The following PACRG variants were observed in gnomAD, a reference collection of about 807,000 sequenced individuals.
PACRG encodes parkin coregulated.
A neutral mutation model predicts 29.7 loss-of-function variants in PACRG; 29 were observed. That is an observed-to-expected ratio of 0.98 (90% CI 0.73 to 1.33). The LOEUF (loss-of-function observed/expected upper bound fraction) is 1.33. Among genes scored for constraint, PACRG ranks in the 40% most tolerant of loss-of-function variants. The pLI is 0.00. For synonymous variants in PACRG, 116 were observed against 118.7 expected, an observed-to-expected ratio of 0.98 and a Z score of 0.15; for missense variants, 279 against 316.2, an observed-to-expected ratio of 0.88 and a Z score of 0.89.
intron 3 of PACRG, among the ~76,000 whole-genome samples, chr6:163,074,340 A>C (rs914448603): frequency 6.6e-6 from 1 of 152,210 alleles, no homozygotes; most frequent in East Asian, 1.9e-4. Flanking sequence ...CGAACTTCAC[A>C]TGTTCTTACT....
At chr6:162,849,272 C>A (rs1279955556) in intron 2 of PACRG, among the ~76,000 whole-genome samples, 1 of 152,148 alleles carries the variant, frequency 6.6e-6, no homozygotes, top group East Asian at 1.9e-4. Flanking sequence ...TGGGGAATAT[C>A]ACACAAGCAG....
At chr6:163,018,994 C>T (rs894346388) in intron 2 of PACRG, among the ~76,000 whole-genome samples, 1 of 152,172 alleles carries the variant, frequency 6.6e-6, no homozygotes, top group African/African-American at 2.4e-5. Context: ...CCAATTTAGG[C>T]ATCATTTCCT....
chr6:162,885,954 G>T (rs552455430), intron 2 of PACRG, among the ~76,000 whole-genome samples: 1 of 152,230 alleles, frequency 6.6e-6, no homozygotes, highest in Non-Finnish European at 1.5e-5. Flanking sequence ...TTACAATATT[G>T]TTATTTGGTG....
chr6:162,796,483 T>C lies in PACRG; in HGVS notation c.157-17664T>C, dbSNP rs548607319. On this transcript the variant is annotated intron_variant, in intron 1 of 4. Transcript: ENST00000366888. ...ACTGTTTATTTTGTTTTTATGGTTA[T>C]CTTTATAACGGTATATCACCTATAG... Among the ~76,000 whole-genome samples, 33 of 152,294 alleles carry C rather than the reference T, an allele frequency of 2.2e-4. No individual in the cohort carries two copies. In the South Asian group the frequency reaches 6.4e-3, roughly 30 times the overall value.
chr6:163,050,848 G>A (rs189355346), intron 2 of PACRG, among the ~76,000 whole-genome samples: 11 of 152,214 alleles, frequency 7.2e-5, no homozygotes, highest in Admixed American at 7.2e-4. Context: ...TAGTGTTTCT[G>A]AAAAGTGTCT....
chr6:163,310,026 C>T (rs940174210), intron 4 of PACRG: 1 of 152,166 alleles, frequency 6.6e-6, no homozygotes. Context: ...TTTAATTTTT[C>T]CAGTGCCTTC....
chr6:163,106,827 A>G (rs11964879), intron 4 of PACRG, among the ~76,000 whole-genome samples: 12,442 of 152,300 alleles, frequency 0.082, 593 homozygotes, highest in Non-Finnish European at 0.097. Context: ...GGAAGTCCTC[A>G]TCATCAGCAG....
At chr6:162,970,655 A>G (rs1224093948) in intron 2 of PACRG, among the ~76,000 whole-genome samples, 1 of 152,220 alleles carries the variant, frequency 6.6e-6, no homozygotes, top group East Asian at 1.9e-4. Context: ...GCAATCCTAG[A>G]ACATCCCGTT....
In PACRG at chr6:163,211,769, G is replaced by C. The variant is rs74529374; in HGVS notation, c.614-103058G>C. Among the ~76,000 whole-genome samples, 519 of 152,228 alleles carry C rather than the reference G, an allele frequency of 3.4e-3. 1 individual carries two copies. The highest frequency in any genetic ancestry group is 0.012 in the African/African-American group (500 of 41,508). On this transcript the variant is annotated intron_variant, in intron 4 of 4. Transcript: ENST00000366888. ...TGGTTTTGCACTCCTACCAAGTCTG[G>C]TTTGTAACTAGGAAAATAAGCAAAC...
chr6:163,134,129 G>A (rs915357068), intron 4 of PACRG, among the ~76,000 whole-genome samples: 4 of 152,078 alleles, frequency 2.6e-5, no homozygotes, highest in African/African-American at 9.7e-5. Context: ...AGAACTATGG[G>A]GTCCCCTATC....
At chr6:163,071,827 C>G (rs2128279936) in intron 3 of PACRG, among the ~76,000 whole-genome samples, 1 of 151,802 alleles carries the variant, frequency 6.6e-6, no homozygotes, top group East Asian at 1.9e-4. Context: ...ATTGGAAAAT[C>G]TAGAGGAAAC....
chr6:163,033,180 C>T (rs1165619888), intron 2 of PACRG, among the ~76,000 whole-genome samples: 1 of 152,324 alleles, frequency 6.6e-6, no homozygotes, highest in East Asian at 1.9e-4. Flanking sequence ...TCACTAGTCT[C>T]AAATACATGT....
chr6:162,879,495 G>T (rs770068245), intron 2 of PACRG, among the ~76,000 whole-genome samples: 4 of 152,202 alleles, frequency 2.6e-5, no homozygotes, highest in Admixed American at 6.5e-5. Flanking sequence ...GCAGGGGACA[G>T]TTGGTGCTAA....
At chr6:162,988,586 C>T (rs181519136) in intron 2 of PACRG, among the ~76,000 whole-genome samples, 1 of 152,202 alleles carries the variant, frequency 6.6e-6, no homozygotes, top group Admixed American at 6.5e-5. Context: ...TATGTAGAAT[C>T]GTTGGAAATT....
At chr6:162,947,615 T>TATATATATAATA (rs1554313347) in intron 2 of PACRG, among the ~76,000 whole-genome samples, 1 of 22,526 alleles carries the variant, frequency 4.4e-5, no homozygotes, top group South Asian at 1.6e-3. Context: ...TATAATCATA[T>TATATATATAATA]ATATATATAT....
chr6:163,113,085 C>A (rs1815798550), intron 4 of PACRG, among the ~76,000 whole-genome samples: 2 of 152,024 alleles, frequency 1.3e-5, no homozygotes, highest in African/African-American at 2.4e-5. Context: ...ACAACTGGAA[C>A]TAAAAAGGAC....
At chr6:162,752,272 TA>T (rs1781569041) in intron 1 of PACRG, among the ~76,000 whole-genome samples, 1 of 152,160 alleles carries the variant, frequency 6.6e-6, no homozygotes, top group South Asian at 2.1e-4. Flanking sequence ...ACTCTGTTTT[TA>T]AAAAGTTTGC....
At chr6:162,789,095 G>A (rs754283495) in intron 1 of PACRG, among the ~76,000 whole-genome samples, 7 of 152,014 alleles carry the variant, frequency 4.6e-5, no homozygotes. Context: ...GAATATTAAA[G>A]GATTAATTAA....
chr6:163,315,262 G>A lies in PACRG; in HGVS notation c.*275G>A, dbSNP rs555023425. 8.4e-5 allele frequency: 26 copies of A among 310,122 alleles called. No homozygotes were observed. The highest frequency in any genetic ancestry group is 5.2e-4 in the East Asian group (9 of 17,214). The allele number at this position is 310,122 out of a possible 1,614,324, so 19.2% of individuals were successfully genotyped here. A position where few individuals can be genotyped will look rare whatever the true frequency, so the allele number is the denominator to read the frequency against. On this transcript the variant is annotated 3_prime_UTR_variant, in exon 5 of 5. Transcript: ENST00000366888. ...ACAGCTCCGACAGAAGCAGGAGTCCGAGTTAAACCTTCAGTTGTATAGACA... is the reference window on the plus strand; with the variant it reads ...ACAGCTCCGACAGAAGCAGGAGTCCAAGTTAAACCTTCAGTTGTATAGACA...
Sources: gnomAD v4.1 joint callset for allele counts (sites outside exome capture counted in the v4.1 genomes callset) on GRCh38, gnomAD v4.1.1 for gene constraint, MANE v1.5 for transcripts, NCBI Gene and HGNC (gene_info 2026-07-23, HGNC 2026-07-21) for gene names.